SAP30L: variants seen among roughly 807,000 people sequenced by gnomAD.
SAP30L encodes SAP30 like, also known as histone deacetylase complex subunit SAP30L.
SAP30L carries 10 observed loss-of-function variants against 22.3 expected under a neutral mutation model. The observed-to-expected ratio is 0.45, with a 90% CI of 0.28 to 0.76. The LOEUF (loss-of-function observed/expected upper bound fraction) is 0.76, where lower values mean the gene tolerates loss of function less well. Ranked by LOEUF, SAP30L falls within the 30% of genes least tolerant of loss-of-function variation. The probability of loss-of-function intolerance (pLI) is 0.14; values close to 1 mark genes in which losing one functional copy is unlikely to be tolerated. For missense variants in SAP30L, 206 were observed against 237.9 expected (o/e 0.87, Z 0.88); for synonymous variants, 91 against 94.1 (o/e 0.97, Z 0.19).
Position 154,446,620 on chromosome 5 carries a change from A to C in SAP30L, c.16A>C (p.Thr6Pro). 1 of 1,512,852 alleles carries C rather than the reference A, an allele frequency of 6.6e-7. No homozygotes were observed. The allele number at this position is 1,512,852 out of a possible 1,614,324, so 93.7% of individuals were successfully genotyped here. MNGFS[T>P]EEDSREGPPA... Reference sequence around the variant, plus strand: ...GGGCGGGGAGATGAACGGCTTCAGCACGGAGGAGGACAGCCGCGAAGGGCC... The same window carrying C: ...GGGCGGGGAGATGAACGGCTTCAGCCCGGAGGAGGACAGCCGCGAAGGGCC... Residue 6 changes from threonine (T) to proline (P), a missense_variant, in exon 1 of 4, where the codon ACG becomes CCG. Around this residue, in one of 2 missense-constraint regions of SAP30L, gnomAD observed 70 missense variants for 50.5 expected, o/e 1.39. Transcript: ENST00000297109.
At position 154,457,394 on chromosome 5, in the gene SAP30L, T is replaced by G. The variant is rs1757286882; in HGVS notation, c.*1366T>G. 1 of 152,228 alleles carries G rather than the reference T, an allele frequency of 6.6e-6. No individual in the cohort carries two copies. Among genetic ancestry groups the G allele is most frequent in the South Asian group, 2.1e-4 (1 of 4,834 alleles). 9.4% of individuals were successfully genotyped at this position (152,228 alleles called of 1,614,324 possible). A position where few individuals can be genotyped will look rare whatever the true frequency, so the allele number is the denominator to read the frequency against. On this transcript the variant is annotated 3_prime_UTR_variant, in exon 4 of 4. Coordinates refer to ENST00000297109, the MANE Select transcript of SAP30L (RefSeq NM_024632.6). ...CCATCTTGACATATGGTCAAAGGTG[T>G]CATTTTCCTACTCAGTTTCAATTCT...
intron 1 of SAP30L, among the ~76,000 whole-genome samples, chr5:154,448,829 T>C (rs1455188176): frequency 6.6e-6 from 1 of 152,226 alleles, no homozygotes; most frequent in African/African-American, 2.4e-5. Context: ...GGTTTCCAGG[T>C]GGAATCACTC....
intron 2 of SAP30L, chr5:154,452,384 G>T (rs1016685467): frequency 1.2e-5 from 7 of 567,666 alleles, no homozygotes; most frequent in South Asian, 7.7e-5. Context: ...AAAAAAAAAG[G>T]TTTTGAGGAA....
At chr5:154,446,919 G>T in intron 1 of SAP30L, 114 bp downstream of exon 1, 2 of 854,842 alleles carry the variant, frequency 2.3e-6, no homozygotes, top group African/African-American at 3.5e-5. Context: ...CGCCGCCCCG[G>T]CTCTGCAGAA....
At chr5:154,452,611 A>G (rs1334935442) in intron 2 of SAP30L, 4 of 345,016 alleles carry the variant, frequency 1.2e-5, no homozygotes, top group Non-Finnish European at 1.6e-5. Context: ...TTATCCAGTC[A>G]TCTGCAAAGA....
In SAP30L at chr5:154,457,294, TGTAA is replaced by T. The variant is rs1757284216; in HGVS notation, c.*1267_*1270del. The T allele has an allele frequency of 6.6e-6, 1 of 152,202 alleles. No homozygotes were observed. The highest frequency in any genetic ancestry group is 1.5e-5 in the Non-Finnish European group (1 of 68,040). The allele number at this position is 152,202 out of a possible 1,614,324, so 9.4% of individuals were successfully genotyped here. A position where few individuals can be genotyped will look rare whatever the true frequency, so the allele number is the denominator to read the frequency against. On this transcript the variant is annotated 3_prime_UTR_variant, in exon 4 of 4. Coordinates refer to ENST00000297109, the MANE Select transcript of SAP30L (RefSeq NM_024632.6). ...TGCTTTTGCAAAATTCTTTAATCTGTGTAATGGAGGGCAGAGGGTATGGGGTAGG... is the reference window on the plus strand; with the variant it reads ...TGCTTTTGCAAAATTCTTTAATCTGTTGGAGGGCAGAGGGTATGGGGTAGG...
At position 154,446,048 on chromosome 5, in the gene SAP30L, G is replaced by A. The variant is rs1359014358; in HGVS notation, c.-557G>A. The A allele has an allele frequency of 6.6e-6, 1 of 152,118 alleles. No individual in the cohort carries two copies. The highest frequency in any genetic ancestry group is 3.2e-3 in the Middle Eastern group (1 of 316). The allele number at this position is 152,118 out of a possible 1,614,324, so 9.4% of individuals were successfully genotyped here. ...GGCCGGGCGGCCCAGGGGCTGCCGCGGGACTCGGGGCGCAGCCGAGTGGCT... is the reference window on the plus strand; with the variant it reads ...GGCCGGGCGGCCCAGGGGCTGCCGCAGGACTCGGGGCGCAGCCGAGTGGCT... On this transcript the variant is annotated 5_prime_UTR_variant, in exon 1 of 4. Transcript: ENST00000297109.
chr5:154,452,392 G>A, intron 2 of SAP30L: 1 of 688,934 alleles, frequency 1.5e-6, no homozygotes, highest in Middle Eastern at 7.4e-4. Context: ...AGGTTTTGAG[G>A]AATGTTTTGA....
Position 154,451,147 on chromosome 5 carries a change from T to G in SAP30L, c.258T>G (p.Asn86Lys). Residue 86 changes from asparagine (N) to lysine (K), a missense_variant, in exon 2 of 4, where the codon AAT becomes AAG. Coordinates refer to ENST00000297109, the MANE Select transcript of SAP30L (RefSeq NM_024632.6). ...FHKNFIQSVR[N>K]KRKRKTSDDG... ...AAAATTTCATCCAGAGTGTCCGAAATAAAAGGAAGAGGAAGACAAGTGACG... is the reference window on the plus strand; with the variant it reads ...AAAATTTCATCCAGAGTGTCCGAAAGAAAAGGAAGAGGAAGACAAGTGACG... 1 of 1,614,090 alleles carries G rather than the reference T, an allele frequency of 6.2e-7. No individual in the cohort carries two copies. Among genetic ancestry groups the G allele is most frequent in the Non-Finnish European group, 8.5e-7 (1 of 1,180,006 alleles).
chr5:154,453,872 G>A (rs560422125), intron 3 of SAP30L, among the ~76,000 whole-genome samples: 14 of 152,230 alleles, frequency 9.2e-5, no homozygotes, highest in African/African-American at 2.9e-4. Context: ...TATCACCCAG[G>A]CTAGAGTGCA....
intron 1 of SAP30L, among the ~76,000 whole-genome samples, chr5:154,450,393 A>G (rs1757112191): frequency 6.6e-6 from 1 of 152,226 alleles, no homozygotes; most frequent in South Asian, 2.1e-4. Flanking sequence ...TCAAAGAGTT[A>G]TTATCCTACA....
intron 2 of SAP30L, among the ~76,000 whole-genome samples, chr5:154,451,525 C>T (rs775344660): frequency 6.8e-6 from 1 of 146,616 alleles, no homozygotes; most frequent in Non-Finnish European, 1.5e-5. Flanking sequence ...CTGACGAATG[C>T]GTAAATACAA....
chr5:154,453,016 T>C (rs73285299), intron 2 of SAP30L: 7,028 of 174,490 alleles, frequency 0.04, 540 homozygotes, highest in African/African-American at 0.16. Context: ...CTGGATGTGC[T>C]ACCATCCATT....
Position 154,451,083 on chromosome 5 carries a change from T to A in SAP30L, c.202-8T>A. The stretch of plus-strand genomic sequence containing the variant: ...GCCAACTCTGACTTTGATTTTTGTC[T>A]CCATCAGGTAAGGCACCTATATATC... On this transcript the variant is annotated splice_region_variant and splice_polypyrimidine_tract_variant and intron_variant, in intron 1 of 3. Coordinates refer to ENST00000297109, the MANE Select transcript of SAP30L (RefSeq NM_024632.6). 6.2e-7 allele frequency: 1 copy of A among 1,613,872 alleles called. No individual in the cohort carries two copies. The highest frequency in any genetic ancestry group is 8.5e-7 in the Non-Finnish European group (1 of 1,179,928).
Position 154,457,958 on chromosome 5 carries a change from A to G in SAP30L, c.*1930A>G, listed in dbSNP as rs899664110. ...GTTAACTTGCTCCATGGAAATGTCCATATCTTAATGAGTAAAAAAGTGTAT... is the reference window on the plus strand; with the variant it reads ...GTTAACTTGCTCCATGGAAATGTCCGTATCTTAATGAGTAAAAAAGTGTAT... On this transcript the variant is annotated 3_prime_UTR_variant, in exon 4 of 4. Transcript: ENST00000297109. The G allele has an allele frequency of 2.6e-5, 4 of 152,242 alleles. No homozygotes were observed. The highest frequency in any genetic ancestry group is 1.3e-4 in the Admixed American group (2 of 15,284). 9.4% of individuals were successfully genotyped at this position (152,242 alleles called of 1,614,324 possible). A position where few individuals can be genotyped will look rare whatever the true frequency, so the allele number is the denominator to read the frequency against.
chr5:154,451,290 T>G, intron 2 of SAP30L, 77 bp downstream of exon 2: 1 of 1,483,678 alleles, frequency 6.7e-7, no homozygotes, highest in Non-Finnish European at 9.1e-7. Context: ...CCTGGTCTGC[T>G]TTTTGTGTTA....
At chr5:154,446,876 C>A in intron 1 of SAP30L, 71 bp downstream of exon 1, 2 of 1,320,018 alleles carry the variant, frequency 1.5e-6, no homozygotes, top group South Asian at 2.6e-5. Flanking sequence ...GGGCTCCAGT[C>A]GGGACTCCCC....
intron 3 of SAP30L, among the ~76,000 whole-genome samples, chr5:154,454,049 C>T (rs1325105490): frequency 6.6e-6 from 1 of 152,212 alleles, no homozygotes; most frequent in African/African-American, 2.4e-5. Flanking sequence ...TTCTCTTTGG[C>T]TCAAGCCATC....
intron 1 of SAP30L, among the ~76,000 whole-genome samples, chr5:154,449,330 G>C (rs149033396): frequency 2.6e-5 from 4 of 152,088 alleles, no homozygotes; most frequent in East Asian, 1.9e-4. Flanking sequence ...GTACTGGGGG[G>C]GCAGAAGGCC....
Sources: gnomAD v4.1 joint callset for allele counts (sites outside exome capture counted in the v4.1 genomes callset) on GRCh38, gnomAD v4.1.1 for gene constraint, gnomAD v4.1.1 regional missense constraint, MANE v1.5 for transcripts, NCBI Gene and HGNC (gene_info 2026-07-23, HGNC 2026-07-21) for gene names.